Variants in UGGT2 observed in about 807,000 individuals in gnomAD.
The protein encoded by UGGT2 is UDP-glucose glycoprotein glucosyltransferase 2.
In UGGT2, 180 loss-of-function variants were observed where a neutral mutation model predicts 192.1. The ratio of observed to expected loss-of-function variants is 0.94; its 90% CI spans 0.83 to 1.06. The LOEUF (loss-of-function observed/expected upper bound fraction) is 1.06, where lower values mean the gene tolerates loss of function less well. UGGT2 is among the 50% of genes least tolerant of loss of function. UGGT2 has a pLI of 0.00. For missense variants in UGGT2, 1,849 were observed against 1,795.7 expected, an observed-to-expected ratio of 1.03 and a Z score of -0.54; for synonymous variants, 580 against 591.0, an observed-to-expected ratio of 0.98 and a Z score of 0.27.
rs1244256302 is a variant in UGGT2 at position 95,903,060 on chromosome 13, T to C, written c.2296A>G (p.Lys766Glu). ...CCCAACCGACTATGAACACTTGTTT[T>C]CTGCAAACATATTTATAGATTAAAA... ...KLLFNALKHM[K>E]TSVHSRLGII... The change falls in exon 21 of 39, where the codon AAA becomes GAA. Residue 766 changes from lysine (K) to glutamate (E), a missense_variant and splice_region_variant. Physicochemically the swap from Lys to Glu is moderately conservative, Grantham distance 56. Transcript: ENST00000376747. 1.9e-6 allele frequency: 3 copies of C among 1,607,444 alleles called. No individual in the cohort carries two copies. In the African/African-American group the frequency reaches 4.0e-5, roughly 22 times the overall value.
At chr13:95,857,838 GAAT>G (rs1036995768) in intron 33 of UGGT2, among the ~76,000 whole-genome samples, 2 of 152,074 alleles carry the variant, frequency 1.3e-5, no homozygotes, top group African/African-American at 4.8e-5. Flanking sequence ...TTGTTCTGGT[GAAT>G]AATATCTTTT....
intron 20 of UGGT2, among the ~76,000 whole-genome samples, chr13:95,913,525 A>G (rs2048574420): frequency 6.6e-6 from 1 of 152,238 alleles, no homozygotes; most frequent in Admixed American, 6.5e-5. Context: ...GCAAATCAAA[A>G]CCACAATGAG....
chr13:96,019,285 T>C (rs2052444121), intron 4 of UGGT2, among the ~76,000 whole-genome samples: 1 of 152,134 alleles, frequency 6.6e-6, no homozygotes, highest in South Asian at 2.1e-4. Flanking sequence ...ACATGAACAT[T>C]AGTATGTTTA....
chr13:95,805,736 TCA>T (rs1423056629), intron 38 of UGGT2, among the ~76,000 whole-genome samples: 1 of 152,048 alleles, frequency 6.6e-6, no homozygotes, highest in Admixed American at 6.6e-5. Context: ...GTAGTCAAAT[TCA>T]CAGAGTAGAA....
chr13:95,903,455 AC>A (rs1360226319), intron 20 of UGGT2, among the ~76,000 whole-genome samples: 8 of 152,120 alleles, frequency 5.3e-5, no homozygotes, highest in African/African-American at 1.9e-4. Context: ...ACACCCTCCC[AC>A]TTTTCTAAAG....
intron 20 of UGGT2, among the ~76,000 whole-genome samples, chr13:95,913,395 A>T (rs2048569027): frequency 6.6e-6 from 1 of 152,226 alleles, no homozygotes; most frequent in Non-Finnish European, 1.5e-5. Context: ...CTTATAAGAA[A>T]AAAACAAACA....
At chr13:95,989,654 A>C (rs1487843904) in intron 8 of UGGT2, 1 of 303,158 alleles carries the variant, frequency 3.3e-6, no homozygotes, top group Non-Finnish European at 6.9e-6. Flanking sequence ...CTTACCTAGG[A>C]GTTAGGACTT....
Position 95,887,933 on chromosome 13 carries a change from G to A in UGGT2, c.2997C>T (p.Phe999=), listed in dbSNP as rs753696528. ...CTGAAAGCCTGCCCCTACAGTTCAT[G>A]AACAACTTTATCTTCATGTTGATAA... ...GKIINMKIKL[F]MNCRGRLSEA... is the part of the protein sequence containing the mutation. Residue 999 remains phenylalanine (F), a synonymous_variant, in exon 26 of 39, where the codon TTC becomes TTT. Transcript: ENST00000376747. 1.2e-6 allele frequency: 2 copies of A among 1,603,686 alleles called. No individual in the cohort carries two copies. Among genetic ancestry groups the A allele is most frequent in the Non-Finnish European group, 1.7e-6 (2 of 1,174,478 alleles).
At chr13:95,938,251 G>C (rs184759704) in intron 16 of UGGT2, among the ~76,000 whole-genome samples, 2 of 152,286 alleles carry the variant, frequency 1.3e-5, no homozygotes, top group South Asian at 4.1e-4. Flanking sequence ...AAATATGGGG[G>C]ACAGCTGTCA....
intron 7 of UGGT2, among the ~76,000 whole-genome samples, chr13:95,992,055 C>G (rs973767221): frequency 6.6e-6 from 1 of 152,058 alleles, no homozygotes; most frequent in Non-Finnish European, 1.5e-5. Flanking sequence ...CCCAGCTACT[C>G]AGGAGGCTGA....
chr13:95,827,799 C>T (rs1886200363), intron 38 of UGGT2, among the ~76,000 whole-genome samples: 1 of 152,124 alleles, frequency 6.6e-6, no homozygotes, highest in South Asian at 2.1e-4. Context: ...CCATTTGCAT[C>T]CCCATTGTTC....
At chr13:95,927,597 G>A (rs2049067183) in intron 17 of UGGT2, among the ~76,000 whole-genome samples, 1 of 151,662 alleles carries the variant, frequency 6.6e-6, no homozygotes, top group Non-Finnish European at 1.5e-5. Context: ...ATTGTGAGCA[G>A]GACAATTCTC....
Position 95,831,231 on chromosome 13 carries a change from C to G in UGGT2, c.4528+1696G>C, listed in dbSNP as rs183308364. ...ACATGGCACATGTATACATATGTAA[C>G]AAACCTGCACATTGTGCACATATAC... On this transcript the variant is annotated intron_variant, in intron 38 of 38. Transcript: ENST00000376747. Among the ~76,000 whole-genome samples the G allele has an allele frequency of 2.5e-3, 381 of 152,120 alleles. 5 individuals are homozygous for G. The highest frequency in any genetic ancestry group is 8.8e-3 in the African/African-American group (363 of 41,480).
Position 95,924,393 on chromosome 13 carries a change from CTTTTTTTTTTTTTTTTTTT to C in UGGT2, c.2295+1268_2295+1286del, listed in dbSNP as rs59757283. 4.1e-4 allele frequency among the ~76,000 whole-genome samples: 26 copies of C among 63,362 alleles called. No individual in the cohort carries two copies. The East Asian group carries it at 0.013, about 31-fold the overall frequency. 41.6% of individuals were successfully genotyped at this position (63,362 alleles called of 152,430 possible). A position where few individuals can be genotyped will look rare whatever the true frequency, so the allele number is the denominator to read the frequency against. ...AATAGATGTAATAGATCCCAAACAG[CTTTTTTTTTTTTTTTTTTT>C]TTTTTTTTTTTTGAAATTTTCCGGT... On this transcript the variant is annotated intron_variant, in intron 20 of 38. Transcript: ENST00000376747.
intron 4 of UGGT2, among the ~76,000 whole-genome samples, chr13:96,020,089 C>T (rs2052470623): frequency 6.6e-6 from 1 of 152,172 alleles, no homozygotes; most frequent in South Asian, 2.1e-4. Context: ...CATGCTAGGG[C>T]CCAGAAGCTG....
intron 20 of UGGT2, among the ~76,000 whole-genome samples, chr13:95,903,918 A>C (rs1005142477): frequency 6.6e-6 from 1 of 152,330 alleles, no homozygotes. Flanking sequence ...ATATGTAAAG[A>C]TATCTCATCA....
chr13:95,991,389 G>A (rs1429688991), intron 7 of UGGT2: 8 of 431,698 alleles, frequency 1.9e-5, no homozygotes, highest in Non-Finnish European at 3.2e-5. Flanking sequence ...AGCATCTGTC[G>A]TTTCCTTTTT....
At chr13:96,011,010 A>T (rs1190480576) in intron 5 of UGGT2, among the ~76,000 whole-genome samples, 3 of 152,218 alleles carry the variant, frequency 2.0e-5, no homozygotes, top group Admixed American at 1.3e-4. Context: ...AATTCAATGG[A>T]GAAGGACAGT....
Position 95,896,696 on chromosome 13 carries a change from G to C in UGGT2, c.2635-1392C>G, listed in dbSNP as rs977492757. On this transcript the variant is annotated intron_variant, in intron 22 of 38. Coordinates refer to ENST00000376747, the MANE Select transcript of UGGT2 (RefSeq NM_020121.4). ...CTTACATTAAGCACAGCATCAAACA[G>C]GAGAAACCTAATGTTTCTGTGTCTT... Among the ~76,000 whole-genome samples the C allele has an allele frequency of 2.0e-5, 3 of 152,034 alleles. No individual in the cohort carries two copies. The East Asian group carries it at 5.8e-4, about 29-fold the overall frequency.
Sources: allele counts gnomAD v4.1 joint callset (sites outside exome capture counted in the v4.1 genomes callset), GRCh38; gene constraint gnomAD v4.1.1; transcripts MANE v1.5; gene names NCBI Gene and HGNC (gene_info 2026-07-23, HGNC 2026-07-21).